Variants in CACNA2D3 observed in about 807,000 individuals in gnomAD.
The protein encoded by CACNA2D3 is voltage-dependent calcium channel subunit alpha-2/delta-3.
CACNA2D3 carries 60 observed loss-of-function variants against 160.6 expected under a neutral mutation model. The observed-to-expected ratio is 0.37, with a 90% CI of 0.30 to 0.46. The LOEUF is 0.46. CACNA2D3 is among the 20% of genes least tolerant of loss of function. The probability of loss-of-function intolerance (pLI) is 1.00; values close to 1 mark genes in which losing one functional copy is unlikely to be tolerated. For missense variants in CACNA2D3, 1,205 were observed against 1,365.0 expected, an observed-to-expected ratio of 0.88 and a Z score of 1.85; for synonymous variants, 558 against 492.9, an observed-to-expected ratio of 1.13 and a Z score of -1.75.
At chr3:54,225,774 C>T (rs4244706) in intron 2 of CACNA2D3, among the ~76,000 whole-genome samples, 79,308 of 151,608 alleles carry the variant, frequency 0.52, 22,952 homozygotes, top group East Asian at 1. Context: ...GTTTCTATTA[C>T]GCTTTTTTTT....
At chr3:54,561,299 T>A (rs1702321220) in intron 5 of CACNA2D3, among the ~76,000 whole-genome samples, 1 of 152,212 alleles carries the variant, frequency 6.6e-6, no homozygotes, top group African/African-American at 2.4e-5. Context: ...ACCTCCCTAG[T>A]TAGCTATATT....
intron 16 of CACNA2D3, among the ~76,000 whole-genome samples, chr3:54,846,167 G>A (rs1698927987): frequency 6.6e-6 from 1 of 152,172 alleles, no homozygotes; most frequent in Non-Finnish European, 1.5e-5. Context: ...GTGGGGATGT[G>A]ACATTTTAAA....
chr3:54,822,790 C>CTTTCTTTCTTTCTTTCTTTT lies in CACNA2D3; in HGVS notation c.1398+5920_1398+5921insTTTCTTTCTTTCTTTCTTTT, dbSNP rs1491160047. On this transcript the variant is annotated intron_variant, in intron 14 of 37. Transcript: ENST00000474759. ...TCTTTCTTTCTTTCTTTCTTTCTTT[C>CTTTCTTTCTTTCTTTCTTTT]CTTTCTTTCTTTCTTTCTTTCTTTC... Among the ~76,000 whole-genome samples, 65 of 71,958 alleles carry CTTTCTTTCTTTCTTTCTTTT rather than the reference C, an allele frequency of 9.0e-4. 1 individual carries two copies. The highest frequency in any genetic ancestry group is 3.4e-3 in the African/African-American group (59 of 17,274). The allele number at this position is 71,958 out of a possible 152,430, so 47.2% of individuals were successfully genotyped here. A position where few individuals can be genotyped will look rare whatever the true frequency, so the allele number is the denominator to read the frequency against.
At chr3:54,686,127 A>G (rs1408638640) in intron 11 of CACNA2D3, among the ~76,000 whole-genome samples, 2 of 152,236 alleles carry the variant, frequency 1.3e-5, no homozygotes, top group Non-Finnish European at 2.9e-5. Flanking sequence ...ATGGTTTGCT[A>G]AAATACAATC....
chr3:54,819,858 C>T (rs559767485), intron 14 of CACNA2D3, among the ~76,000 whole-genome samples: 2 of 152,224 alleles, frequency 1.3e-5, no homozygotes, highest in Admixed American at 1.3e-4. Flanking sequence ...AACACACACA[C>T]ACACACAAAA....
chr3:54,865,250 A>T lies in CACNA2D3; in HGVS notation c.1627-6289A>T, dbSNP rs568367046. The stretch of plus-strand genomic sequence containing the variant: ...CAGGTGCCGACGCCGGTGTGGTGTT[A>T]GTAAGGGCAATATACTTTTCACTTT... On this transcript the variant is annotated intron_variant, in intron 17 of 37. Coordinates refer to ENST00000474759, the MANE Select transcript of CACNA2D3 (RefSeq NM_018398.3). Among the ~76,000 whole-genome samples, 5 of 152,336 alleles carry T rather than the reference A, an allele frequency of 3.3e-5. No individual in the cohort carries two copies. The South Asian group carries it at 1.0e-3, about 32-fold the overall frequency.
intron 5 of CACNA2D3, among the ~76,000 whole-genome samples, chr3:54,561,370 TCAG>T (rs1702322419): frequency 6.6e-6 from 1 of 152,254 alleles, no homozygotes; most frequent in Admixed American, 6.5e-5. Context: ...GATTTGGCTT[TCAG>T]CTTCACTGTC....
At chr3:55,036,313 GGTAC>G (rs1703814928) in intron 35 of CACNA2D3, among the ~76,000 whole-genome samples, 1 of 151,962 alleles carries the variant, frequency 6.6e-6, no homozygotes, top group Non-Finnish European at 1.5e-5. Flanking sequence ...CGGGCATGAT[GGTAC>G]GCACCTGTAA....
chr3:54,262,393 C>T (rs1217661613), intron 2 of CACNA2D3, among the ~76,000 whole-genome samples: 1 of 152,126 alleles, frequency 6.6e-6, no homozygotes, highest in African/African-American at 2.4e-5. Context: ...CATTTCCTCC[C>T]ACGATGGACC....
chr3:54,582,265 TG>T (rs773937782), intron 9 of CACNA2D3, among the ~76,000 whole-genome samples: 68 of 152,178 alleles, frequency 4.5e-4, no homozygotes, highest in Middle Eastern at 3.2e-3. Context: ...GGGTAACTGT[TG>T]GGGTAACTTG....
chr3:54,683,672 C>T (rs886325552), intron 11 of CACNA2D3, among the ~76,000 whole-genome samples: 1 of 152,106 alleles, frequency 6.6e-6, no homozygotes, highest in African/African-American at 2.4e-5. Context: ...GAACTATTGC[C>T]ATCAATACTA....
intron 9 of CACNA2D3, among the ~76,000 whole-genome samples, chr3:54,601,254 A>C (rs554699910): frequency 6.6e-6 from 1 of 152,300 alleles, no homozygotes; most frequent in African/African-American, 2.4e-5. Flanking sequence ...TTCAGGCTGG[A>C]GTGCAGTGGC....
chr3:54,326,248 A>T (rs914634897), intron 3 of CACNA2D3, among the ~76,000 whole-genome samples: 1 of 152,210 alleles, frequency 6.6e-6, no homozygotes, highest in Non-Finnish European at 1.5e-5. Context: ...CTTCTCAGAA[A>T]AATGGATTTT....
intron 11 of CACNA2D3, among the ~76,000 whole-genome samples, chr3:54,707,996 G>A (rs1700888189): frequency 6.6e-6 from 1 of 152,184 alleles, no homozygotes; most frequent in African/African-American, 2.4e-5. Flanking sequence ...TATCCACAGA[G>A]AGGCTAGAGA....
intron 11 of CACNA2D3, among the ~76,000 whole-genome samples, chr3:54,687,662 A>G (rs1386947041): frequency 6.6e-6 from 1 of 152,164 alleles, no homozygotes; most frequent in Non-Finnish European, 1.5e-5. Context: ...CATGTTGGAG[A>G]CACAACACTG....
chr3:54,288,964 T>C (rs1188416182), intron 2 of CACNA2D3, among the ~76,000 whole-genome samples: 1 of 152,132 alleles, frequency 6.6e-6, no homozygotes, highest in Non-Finnish European at 1.5e-5. Context: ...GCCAATATCA[T>C]ACTGAATGGG....
chr3:54,278,593 G>A (rs527889654), intron 2 of CACNA2D3, among the ~76,000 whole-genome samples: 11 of 152,238 alleles, frequency 7.2e-5, no homozygotes, highest in Admixed American at 5.2e-4. Flanking sequence ...CCAAATGTTC[G>A]TCAGTAATAG....
At chr3:54,156,508 C>T (rs1238913608) in intron 2 of CACNA2D3, among the ~76,000 whole-genome samples, 1 of 152,186 alleles carries the variant, frequency 6.6e-6, no homozygotes, top group East Asian at 1.9e-4. Flanking sequence ...GCCTATTGGT[C>T]AGTCTTTTTG....
intron 27 of CACNA2D3, among the ~76,000 whole-genome samples, chr3:54,938,378 C>T (rs1221601246): frequency 6.6e-6 from 1 of 152,212 alleles, no homozygotes; most frequent in Non-Finnish European, 1.5e-5. Context: ...GCCCCTGGGG[C>T]CATCCATGGC....
Sources: gnomAD v4.1 joint callset for allele counts (sites outside exome capture counted in the v4.1 genomes callset) on GRCh38, gnomAD v4.1.1 for gene constraint, MANE v1.5 for transcripts, NCBI Gene and HGNC (gene_info 2026-07-23, HGNC 2026-07-21) for gene names.